DLG2: variants seen among roughly 807,000 people sequenced by gnomAD.
DLG2 encodes disks large homolog 2.
Under a neutral mutation model 132.5 loss-of-function variants are expected in DLG2, and 45 were observed. The observed-to-expected ratio is 0.34, with a 90% CI of 0.27 to 0.44. The LOEUF is 0.44. DLG2 is among the 20% of genes least tolerant of loss of function. The pLI is 1.00. For missense variants in DLG2, 1,045 were observed against 1,196.9 expected (o/e 0.87, Z 1.87); for synonymous variants, 424 against 419.6 (o/e 1.01, Z -0.13).
intron 7 of DLG2, among the ~76,000 whole-genome samples, chr11:84,296,120 G>A (rs953251306): frequency 5.3e-5 from 8 of 152,008 alleles, no homozygotes; most frequent in African/African-American, 9.7e-5. Context: ...ACGTATTCCC[G>A]AAAACACAAC....
At chr11:83,959,205 T>C (rs2087804164) in intron 14 of DLG2, among the ~76,000 whole-genome samples, 1 of 152,146 alleles carries the variant, frequency 6.6e-6, no homozygotes, top group African/African-American at 2.4e-5. Context: ...TGTACATTTC[T>C]TTAATAGAAA....
chr11:84,991,684 T>A (rs1303871434), intron 6 of DLG2, among the ~76,000 whole-genome samples: 1 of 152,156 alleles, frequency 6.6e-6, no homozygotes, highest in Admixed American at 6.6e-5. Context: ...TGTATCACTG[T>A]CAGTATCCTG....
intron 6 of DLG2, among the ~76,000 whole-genome samples, chr11:84,802,502 A>G (rs918210673): frequency 6.6e-6 from 1 of 152,114 alleles, no homozygotes; most frequent in African/African-American, 2.4e-5. Context: ...GACAGGAGCT[A>G]CGGTTATGGA....
At chr11:84,513,852 T>C (rs2099264402) in intron 7 of DLG2, among the ~76,000 whole-genome samples, 2 of 150,312 alleles carry the variant, frequency 1.3e-5, no homozygotes, top group African/African-American at 4.9e-5. Context: ...GGGAATCACA[T>C]CTAGTTAAAA....
intron 3 of DLG2, among the ~76,000 whole-genome samples, chr11:85,483,089 A>G (rs1427667295): frequency 1.3e-5 from 2 of 152,238 alleles, no homozygotes; most frequent in Non-Finnish European, 2.9e-5. Context: ...AGAGGAACAG[A>G]TACAGGCCTC....
chr11:84,447,986 C>T (rs2099040439), intron 7 of DLG2, among the ~76,000 whole-genome samples: 1 of 152,030 alleles, frequency 6.6e-6, no homozygotes, highest in Non-Finnish European at 1.5e-5. Flanking sequence ...GACTTGTGAG[C>T]ACAAACAACA....
intron 6 of DLG2, among the ~76,000 whole-genome samples, chr11:84,625,560 A>G (rs2099621183): frequency 6.6e-6 from 1 of 152,228 alleles, no homozygotes; most frequent in Admixed American, 6.5e-5. Flanking sequence ...GATCCATGAA[A>G]TAGATTCCCT....
chr11:83,731,498 A>T (rs970912777), intron 18 of DLG2, among the ~76,000 whole-genome samples: 3 of 152,204 alleles, frequency 2.0e-5, no homozygotes, highest in African/African-American at 4.8e-5. Flanking sequence ...ATAGTATTCC[A>T]TGGTGTATAC....
intron 4 of DLG2, among the ~76,000 whole-genome samples, chr11:85,273,848 A>G (rs2077707690): frequency 6.6e-6 from 1 of 152,272 alleles, no homozygotes; most frequent in Non-Finnish European, 1.5e-5. Flanking sequence ...AAGACTTGGA[A>G]CCAACCCAAA....
intron 3 of DLG2, among the ~76,000 whole-genome samples, chr11:85,368,199 T>C (rs906114967): frequency 2.6e-5 from 4 of 152,236 alleles, no homozygotes; most frequent in African/African-American, 9.6e-5. Context: ...CAATTTCTAA[T>C]TGGATCAATT....
At chr11:84,732,035 A>T (rs1294887672) in intron 6 of DLG2, among the ~76,000 whole-genome samples, 1 of 152,066 alleles carries the variant, frequency 6.6e-6, no homozygotes, top group Non-Finnish European at 1.5e-5. Context: ...GAAATCATAC[A>T]ATATGTGTTT....
chr11:84,605,243 C>G (rs2154535392), intron 6 of DLG2, among the ~76,000 whole-genome samples: 1 of 151,958 alleles, frequency 6.6e-6, no homozygotes, highest in Non-Finnish European at 1.5e-5. Flanking sequence ...TATGTATGAT[C>G]ATTCTTGAGT....
chr11:84,196,300 G>C (rs540221752), intron 8 of DLG2, among the ~76,000 whole-genome samples: 1 of 152,220 alleles, frequency 6.6e-6, no homozygotes, highest in East Asian at 1.9e-4. Flanking sequence ...AATGTCACAG[G>C]AACTCAACAG....
intron 6 of DLG2, among the ~76,000 whole-genome samples, chr11:84,781,084 T>TGTGC (rs1442530142): frequency 2.0e-5 from 3 of 151,094 alleles, no homozygotes; most frequent in Admixed American, 6.6e-5. Context: ...TGTGTGTGTG[T>TGTGC]GTGTATACTT....
intron 7 of DLG2, among the ~76,000 whole-genome samples, chr11:84,284,451 G>C (rs953491273): frequency 6.6e-6 from 1 of 152,160 alleles, no homozygotes; most frequent in Non-Finnish European, 1.5e-5. Context: ...TAAGAGACGC[G>C]AGTCATCGTA....
chr11:84,744,575 T>G (rs897127438), intron 6 of DLG2, among the ~76,000 whole-genome samples: 1 of 152,180 alleles, frequency 6.6e-6, no homozygotes, highest in Non-Finnish European at 1.5e-5. Flanking sequence ...ATAAAAATAC[T>G]AAACATACCT....
At chr11:84,511,893 T>C (rs1214691716) in intron 7 of DLG2, among the ~76,000 whole-genome samples, 24 of 152,162 alleles carry the variant, frequency 1.6e-4, no homozygotes. Flanking sequence ...TCTGATTTGG[T>C]AAAATTTGGT....
intron 6 of DLG2, among the ~76,000 whole-genome samples, chr11:84,933,143 C>T (rs985597734): frequency 1.3e-5 from 2 of 151,956 alleles, no homozygotes; most frequent in Non-Finnish European, 2.9e-5. Flanking sequence ...GTTTGTTGGC[C>T]ACATAAATGT....
Position 84,051,744 on chromosome 11 carries a change from G to A in DLG2, c.919+7571C>T, listed in dbSNP as rs531621188. Among the ~76,000 whole-genome samples, 144 of 151,328 alleles carry A rather than the reference G, an allele frequency of 9.5e-4. 2 individuals are homozygous for A. Among genetic ancestry groups the A allele is most frequent in the African/African-American group, 1.9e-3 (77 of 41,172 alleles). On this transcript the variant is annotated intron_variant, in intron 11 of 27. Coordinates refer to ENST00000376104, the MANE Select transcript of DLG2 (RefSeq NM_001142699.3). Reference sequence around the variant, plus strand: ...CATATGTAACTAACCTGCACGTTGTGCACATGTACCCTAAAACTTAAAGTA... The same window carrying A: ...CATATGTAACTAACCTGCACGTTGTACACATGTACCCTAAAACTTAAAGTA...
Sources: allele counts gnomAD v4.1 joint callset (sites outside exome capture counted in the v4.1 genomes callset), GRCh38; gene constraint gnomAD v4.1.1; transcripts MANE v1.5; gene names NCBI Gene and HGNC (gene_info 2026-07-23, HGNC 2026-07-21).